FAM167A: variants seen among roughly 807,000 people sequenced by gnomAD.
The protein encoded by FAM167A is protein FAM167A.
In FAM167A, 23 loss-of-function variants were observed where a neutral mutation model predicts 14.9. That is an observed-to-expected ratio of 1.55 (90% CI 1.11 to 2.19). The LOEUF (loss-of-function observed/expected upper bound fraction) is 2.19, where lower values mean the gene tolerates loss of function less well. Among genes scored for constraint, FAM167A ranks in the 30% most tolerant of loss-of-function variants. The pLI, the probability that FAM167A is intolerant of heterozygous loss-of-function variation, is 0.00. For missense variants in FAM167A, 401 were observed against 281.5 expected, an observed-to-expected ratio of 1.42 and a Z score of -3.04; for synonymous variants, 174 against 117.7, an observed-to-expected ratio of 1.48 and a Z score of -3.10.
chr8:11,454,777 C>G (rs1807162618), intron 1 of FAM167A, among the ~76,000 whole-genome samples: 1 of 152,178 alleles, frequency 6.6e-6, no homozygotes, highest in Non-Finnish European at 1.5e-5. Context: ...AATCAGAAAC[C>G]CAACACTTAT....
At chr8:11,470,378 A>G (rs1010036737), upstream of FAM167A, among the ~76,000 whole-genome samples, 11 of 152,204 alleles carry the variant, frequency 7.2e-5, no homozygotes, top group African/African-American at 1.9e-4. Context: ...GCCTGCCACA[A>G]TCAGGGGCCA....
intron 1 of FAM167A, among the ~76,000 whole-genome samples, chr8:11,475,208 TTC>T (rs1484992111): frequency 4.6e-5 from 7 of 152,142 alleles, no homozygotes; most frequent in Non-Finnish European, 7.4e-5. Flanking sequence ...TCCTCGGCTT[TTC>T]CTCTGGGACC....
chr8:11,455,724 TGA>T (rs1807230411), intron 1 of FAM167A, among the ~76,000 whole-genome samples: 1 of 140,880 alleles, frequency 7.1e-6, no homozygotes, highest in Non-Finnish European at 1.5e-5. Flanking sequence ...TATGAGTGTG[TGA>T]GTGTCGGGGG....
upstream of FAM167A, among the ~76,000 whole-genome samples, chr8:11,469,574 G>T (rs553985079): frequency 6.6e-6 from 1 of 152,220 alleles, no homozygotes; most frequent in South Asian, 2.1e-4. Flanking sequence ...GATGAGTCAA[G>T]AAAAATGCCC....
chr8:11,456,402 T>TCAG (rs1807307635), intron 1 of FAM167A, among the ~76,000 whole-genome samples: 1 of 85,366 alleles, frequency 1.2e-5, no homozygotes, highest in Non-Finnish European at 2.4e-5. Context: ...TGTGTGAGTG[T>TCAG]GGGGGGTGGT....
chr8:11,451,628 C>G (rs532480312), intron 1 of FAM167A, among the ~76,000 whole-genome samples: 22 of 152,350 alleles, frequency 1.4e-4, no homozygotes, highest in African/African-American at 5.0e-4. Flanking sequence ...CTCTTCCCAG[C>G]TCATGCCCTG....
intron 1 of FAM167A, among the ~76,000 whole-genome samples, chr8:11,449,242 A>C (rs1323781123): frequency 1.3e-5 from 2 of 152,182 alleles, no homozygotes; most frequent in African/African-American, 4.8e-5. Flanking sequence ...CCCTCCCACT[A>C]GGCACAGGAG....
intron 1 of FAM167A, among the ~76,000 whole-genome samples, chr8:11,449,374 G>A (rs1466668552): frequency 6.6e-6 from 1 of 152,222 alleles, no homozygotes; most frequent in Non-Finnish European, 1.5e-5. Flanking sequence ...CGGGTGCCGG[G>A]GAACAGATGC....
intron 1 of FAM167A, among the ~76,000 whole-genome samples, chr8:11,458,371 C>T (rs916529113): frequency 6.6e-6 from 1 of 152,190 alleles, no homozygotes; most frequent in Admixed American, 6.5e-5. Flanking sequence ...AGTGCACCTG[C>T]TGGATGGTTT....
intron 1 of FAM167A, among the ~76,000 whole-genome samples, chr8:11,449,345 C>T (rs138867951): frequency 2.0e-5 from 3 of 152,202 alleles, no homozygotes; most frequent in Non-Finnish European, 4.4e-5. Flanking sequence ...CCGGCCTGAG[C>T]CGGCAGAGAG....
chr8:11,424,449 A>C lies in FAM167A; in HGVS notation c.569T>G (p.Phe190Cys). The C allele has an allele frequency of 6.2e-7, 1 of 1,613,980 alleles. No homozygotes were observed. Among genetic ancestry groups the C allele is most frequent in the Non-Finnish European group, 8.5e-7 (1 of 1,179,978 alleles). ...AAGCTTGAGTGGTGTGGAGAGGCTG[A>C]AGGAGGAGGCAAGAGGGGAGTCACA... Reference protein sequence around the residue: ...LFCDSPLASSFSLSTPLKLIG... With the variant: ...LFCDSPLASSCSLSTPLKLIG... Residue 190 changes from phenylalanine (F) to cysteine (C), a missense_variant, in exon 3 of 3, where the codon TTC becomes TGC. Coordinates refer to ENST00000284486, the MANE Select transcript of FAM167A (RefSeq NM_053279.3).
upstream of FAM167A, among the ~76,000 whole-genome samples, chr8:11,468,846 G>A (rs938229078): frequency 3.3e-5 from 5 of 152,222 alleles, no homozygotes; most frequent in African/African-American, 1.2e-4. Flanking sequence ...CCAAGGCAAG[G>A]GTGGTGTCTT....
intron 2 of FAM167A, chr8:11,438,438 G>T (rs1012371187): frequency 1.5e-5 from 7 of 456,130 alleles, no homozygotes; most frequent in African/African-American, 1.4e-4. Context: ...TATTCTAGGA[G>T]ATTCTATGCT....
Position 11,422,441 on chromosome 8 carries a change from G to A in FAM167A, c.*1932C>T, listed in dbSNP as rs1804820475. Reference sequence around the variant, plus strand: ...GAGACCTCAAGGGCTTATCTGGAAAGAGGTTGGCAGGAAAGGAATGCGTCT... The same window carrying A: ...GAGACCTCAAGGGCTTATCTGGAAAAAGGTTGGCAGGAAAGGAATGCGTCT... On this transcript the variant is annotated 3_prime_UTR_variant, in exon 3 of 3. Coordinates refer to ENST00000284486, the MANE Select transcript of FAM167A (RefSeq NM_053279.3). 6.6e-6 allele frequency: 1 copy of A among 152,138 alleles called. No individual in the cohort carries two copies. Among genetic ancestry groups the A allele is most frequent in the Non-Finnish European group, 1.5e-5 (1 of 68,146 alleles). 9.4% of individuals were successfully genotyped at this position (152,138 alleles called of 1,614,324 possible).
At chr8:11,465,279 C>T (rs369466776) in intron 1 of FAM167A, among the ~76,000 whole-genome samples, 1 of 152,148 alleles carries the variant, frequency 6.6e-6, no homozygotes, top group South Asian at 2.1e-4. Flanking sequence ...GCCTTAGATG[C>T]CTCAGATTTC....
chr8:11,438,220 T>C (rs1806172803), intron 2 of FAM167A: 1 of 438,830 alleles, frequency 2.3e-6, no homozygotes, highest in African/African-American at 2.0e-5. Flanking sequence ...GGTGAGGTGC[T>C]GCTGTGGGGA....
chr8:11,474,968 T>G lies in FAM167A; in HGVS notation c.-398+898A>C, dbSNP rs1427792897. Among the ~76,000 whole-genome samples the G allele has an allele frequency of 2.0e-5, 3 of 151,164 alleles. No individual in the cohort carries two copies. The East Asian group carries it at 5.9e-4, about 30-fold the overall frequency. On this transcript the variant is annotated intron_variant, in intron 1 of 1. Coordinates refer to the FAM167A transcript ENST00000648766. ...GAAGGGAAGAGAGAAAGGTTCAGAG[T>G]GGGTTGCACTCTGCCCAGCAGCCAA...
At chr8:11,471,379 T>A, upstream of FAM167A, among the ~76,000 whole-genome samples, 1 of 151,732 alleles carries the variant, frequency 6.6e-6, no homozygotes, top group East Asian at 1.9e-4. Context: ...GCTGGGCAGG[T>A]GAGGGGTTGA....
intron 2 of FAM167A, among the ~76,000 whole-genome samples, chr8:11,430,729 C>G (rs1276577152): frequency 6.6e-6 from 1 of 152,062 alleles, no homozygotes; most frequent in African/African-American, 2.4e-5. Context: ...TCCTTACTTC[C>G]AAGCTTTACG....
Sources: allele counts gnomAD v4.1 joint callset (sites outside exome capture counted in the v4.1 genomes callset), GRCh38; gene constraint gnomAD v4.1.1; transcripts MANE v1.5; gene names NCBI Gene and HGNC (gene_info 2026-07-23, HGNC 2026-07-21).